The following XRRA1 variants were observed in gnomAD, a reference collection of about 807,000 sequenced individuals.
XRRA1 encodes X-ray radiation resistance-associated protein 1.
A neutral mutation model predicts 80.2 loss-of-function variants in XRRA1; 69 were observed. That is an observed-to-expected ratio of 0.86 (90% CI 0.71 to 1.05). XRRA1 has a LOEUF of 1.05. XRRA1 is among the 50% of genes least tolerant of loss of function. XRRA1 has a pLI of 0.00. For synonymous variants in XRRA1, 348 were observed against 389.9 expected (o/e 0.89, Z 1.27); for missense variants, 967 against 976.4 (o/e 0.99, Z 0.13).
rs76763803 is a variant in XRRA1, at chr11:74,884,229, C to T, written c.1004-21208G>A. Among the ~76,000 whole-genome samples, 224 of 152,200 alleles carry T rather than the reference C, an allele frequency of 1.5e-3. 8 individuals are homozygous for T. The East Asian group carries it at 0.042, about 28-fold the overall frequency. ...AAATCAAGCTGCAAACATAGATAAG[C>T]GAGCTGGAATCTTGCACAGGGGAAT... On this transcript the variant is annotated intron_variant, in intron 10 of 18. Transcript: ENST00000684022.
chr11:74,845,658 A>G (rs888967791), intron 15 of XRRA1, among the ~76,000 whole-genome samples: 1 of 152,224 alleles, frequency 6.6e-6, no homozygotes, highest in East Asian at 1.9e-4. Flanking sequence ...AGAGGTAAGA[A>G]ACATCAAGGT....
intron 10 of XRRA1, among the ~76,000 whole-genome samples, chr11:74,895,029 G>T (rs1254744341): frequency 6.6e-6 from 1 of 152,126 alleles, no homozygotes; most frequent in Admixed American, 6.6e-5. Context: ...TACACCATTT[G>T]TCCCCCCGTC....
chr11:74,865,665 C>G (rs1360528836), intron 10 of XRRA1, among the ~76,000 whole-genome samples: 1 of 152,212 alleles, frequency 6.6e-6, no homozygotes, highest in African/African-American at 2.4e-5. Context: ...GATGGACCAC[C>G]AGCTTCATTC....
chr11:74,905,603 G>T (rs1219010836), intron 10 of XRRA1, among the ~76,000 whole-genome samples: 1 of 152,128 alleles, frequency 6.6e-6, no homozygotes, highest in Admixed American at 6.6e-5. Flanking sequence ...GAATAATGTG[G>T]TTTTTGATTT....
intron 8 of XRRA1, among the ~76,000 whole-genome samples, chr11:74,920,583 T>C (rs1940421966): frequency 6.6e-6 from 1 of 152,128 alleles, no homozygotes; most frequent in Non-Finnish European, 1.5e-5. Context: ...CATGAGAATA[T>C]AATATAACAG....
At chr11:74,919,427 A>C (rs1211431891) in intron 8 of XRRA1, 1 of 195,708 alleles carries the variant, frequency 5.1e-6, no homozygotes, top group African/African-American at 2.4e-5. Flanking sequence ...CAAAATACCA[A>C]TTACCTCTCC....
intron 12 of XRRA1, among the ~76,000 whole-genome samples, chr11:74,858,323 T>C (rs550970987): frequency 3.3e-4 from 50 of 152,322 alleles, no homozygotes; most frequent in African/African-American, 1.2e-3. Context: ...TAAGTGGTAT[T>C]GAGAAAGCTG....
At chr11:74,924,242 G>A (rs1350873456) in intron 7 of XRRA1, among the ~76,000 whole-genome samples, 5 of 151,284 alleles carry the variant, frequency 3.3e-5, no homozygotes, top group Admixed American at 6.6e-5. Context: ...TTGGGAGGCC[G>A]AGACGGGCAG....
At chr11:74,897,286 G>A (rs997391054) in intron 10 of XRRA1, among the ~76,000 whole-genome samples, 4 of 151,786 alleles carry the variant, frequency 2.6e-5, no homozygotes, top group South Asian at 2.1e-4. Flanking sequence ...AAGAATTAGT[G>A]AGCTCAACAG....
At position 74,848,145 on chromosome 11, in the gene XRRA1, G is replaced by A. The variant is rs544321458; in HGVS notation, c.1698C>T (p.Ser566=). ...LSPERPSDED[S]KSTESIFLTQ... is the part of the protein sequence containing the mutation. ...TCAGGAAGATGGACTCTGTGCTCTTGGAGTCCTCATCTGATGGGCGCTCTG... is the reference window on the plus strand; with the variant it reads ...TCAGGAAGATGGACTCTGTGCTCTTAGAGTCCTCATCTGATGGGCGCTCTG... The change falls in exon 15 of 19, where the codon TCC becomes TCT. Residue 566 remains serine (S), a synonymous_variant. Transcript: ENST00000684022. The A allele has an allele frequency of 1.9e-6, 3 of 1,612,358 alleles. No homozygotes were observed. The highest frequency in any genetic ancestry group is 1.3e-5 in the African/African-American group (1 of 75,048).
At chr11:74,886,206 A>G (rs2048978913) in intron 10 of XRRA1, among the ~76,000 whole-genome samples, 1 of 152,178 alleles carries the variant, frequency 6.6e-6, no homozygotes, top group Non-Finnish European at 1.5e-5. Context: ...TGCAAGTCCT[A>G]GCCAGAGCAA....
chr11:74,938,172 T>C (rs1396201775), intron 3 of XRRA1, among the ~76,000 whole-genome samples: 3 of 152,242 alleles, frequency 2.0e-5, no homozygotes, highest in African/African-American at 7.2e-5. Context: ...AAAAGCCCAC[T>C]ATCTCTGCCT....
At chr11:74,923,075 A>G (rs1941304772) in intron 7 of XRRA1, among the ~76,000 whole-genome samples, 1 of 152,220 alleles carries the variant, frequency 6.6e-6, no homozygotes, top group South Asian at 2.1e-4. Context: ...AAGGAAGGAT[A>G]TGGTCAGGTC....
At chr11:74,894,245 C>T (rs2051619251) in intron 10 of XRRA1, among the ~76,000 whole-genome samples, 1 of 152,094 alleles carries the variant, frequency 6.6e-6, no homozygotes, top group Admixed American at 6.6e-5. Flanking sequence ...GAAAAACAGG[C>T]ACCAGGATCT....
Position 74,843,850 on chromosome 11 carries a change from G to T in XRRA1, c.2149+4C>A. 6.2e-7 allele frequency: 1 copy of T among 1,604,034 alleles called. No individual in the cohort carries two copies. The highest frequency in any genetic ancestry group is 8.5e-7 in the Non-Finnish European group (1 of 1,174,642). ...GGATCCTGGCAGCTGTGGCAGAGCC[G>T]TACCTAGTGGAGCCTCTGTAATGTT... is the stretch of plus-strand genomic sequence containing the variant. On this transcript the variant is annotated splice_donor_region_variant and intron_variant, in intron 18 of 18. Coordinates refer to ENST00000684022, the MANE Select transcript of XRRA1 (RefSeq NM_001378157.1).
At position 74,930,341 on chromosome 11, in the gene XRRA1, G is replaced by C. The variant is rs1290033843; in HGVS notation, c.383C>G (p.Ser128Cys). 1 of 1,566,728 alleles carries C rather than the reference G, an allele frequency of 6.4e-7. No homozygotes were observed. Among genetic ancestry groups the C allele is most frequent in the East Asian group, 2.3e-5 (1 of 42,896 alleles). ...TTCTGAGGCATTGATATAAATCACA[G>C]AATGAAAATGCTTGAAGTCATTTTC... ...AKENDFKHFH[S>C]VIYINASENL... Residue 128 changes from serine to cysteine, a missense_variant, in exon 6 of 19, where the codon TCT becomes TGT. Ser to Cys is a moderately radical substitution (Grantham distance 112). Transcript: ENST00000684022.
intron 10 of XRRA1, among the ~76,000 whole-genome samples, chr11:74,891,927 C>A (rs1179123188): frequency 2.3e-4 from 35 of 152,174 alleles, no homozygotes; most frequent in East Asian, 5.8e-4. Flanking sequence ...ATGGAAGAAC[C>A]TTCCATGCTC....
At chr11:74,862,726 T>G (rs1411444125) in intron 11 of XRRA1, among the ~76,000 whole-genome samples, 1 of 152,156 alleles carries the variant, frequency 6.6e-6, no homozygotes, top group East Asian at 1.9e-4. Context: ...AAAGTTAGAC[T>G]AGGCAGGTAA....
intron 7 of XRRA1, among the ~76,000 whole-genome samples, chr11:74,925,373 C>T (rs1941968672): frequency 2.0e-5 from 3 of 151,588 alleles, no homozygotes; most frequent in Admixed American, 6.6e-5. Context: ...CTGGGGCAGC[C>T]TTTTTGGCAA....
Sources: gnomAD v4.1 joint callset for allele counts (sites outside exome capture counted in the v4.1 genomes callset) on GRCh38, gnomAD v4.1.1 for gene constraint, MANE v1.5 for transcripts, NCBI Gene and HGNC (gene_info 2026-07-23, HGNC 2026-07-21) for gene names.